Variants in WARS1 observed in about 807,000 individuals in gnomAD.
WARS1 encodes the protein tryptophan--tRNA ligase, cytoplasmic.
Under a neutral mutation model 47.8 loss-of-function variants are expected in WARS1, and 17 were observed. The observed-to-expected ratio is 0.36, with a 90% CI of 0.24 to 0.53. The LOEUF (loss-of-function observed/expected upper bound fraction) is 0.53. Among genes scored for constraint, WARS1 ranks in the 20% least tolerant of loss-of-function variants. The probability of loss-of-function intolerance (pLI) is 0.91; values close to 1 mark genes in which losing one functional copy is unlikely to be tolerated. For missense variants in WARS1, 434 were observed against 608.0 expected (o/e 0.71, Z 3.01); for synonymous variants, 208 against 228.1 (o/e 0.91, Z 0.79).
At chr14:100,337,260 A>G (rs1461906437) in intron 9 of WARS1, 58 bp from the exon 10 acceptor site, 6 of 1,585,608 alleles carry the variant, frequency 3.8e-6, no homozygotes, top group African/African-American at 1.3e-5. Flanking sequence ...GTGCCTGGAC[A>G]CTGGCTAGAA....
At position 100,356,395 on chromosome 14, in the gene WARS1, GTGT is replaced by G. The variant is rs1457783138; in HGVS notation, c.423-1832_423-1830del. On this transcript the variant is annotated intron_variant, in intron 4 of 10. Coordinates refer to ENST00000392882, the MANE Select transcript of WARS1 (RefSeq NM_004184.4). ...CCAAAGTGACTGGGTGTGTGTGTGT[GTGT>G]GGGGGGGGGTGTGGAATAAAAGAGA... Among the ~76,000 whole-genome samples, 92 of 82,590 alleles carry G rather than the reference GTGT, an allele frequency of 1.1e-3. 1 individual carries two copies. The highest frequency in any genetic ancestry group is 2.2e-3 in the South Asian group (3 of 1,340). 54.2% of individuals were successfully genotyped at this position (82,590 alleles called of 152,430 possible).
At chr14:100,354,321 C>T in intron 5 of WARS1, 126 bp downstream of exon 5, 1 of 1,415,090 alleles carries the variant, frequency 7.1e-7, no homozygotes, top group Non-Finnish European at 9.4e-7. Flanking sequence ...AAAAAAGTGC[C>T]AACTCTTGAC....
chr14:100,354,075 G>C, intron 5 of WARS1: 1 of 575,702 alleles, frequency 1.7e-6, no homozygotes, highest in South Asian at 2.1e-5. Flanking sequence ...TGTGTGCTCT[G>C]TGTTAGCTGC....
intron 1 of WARS1, chr14:100,370,300 A>G (rs561699701): frequency 6.6e-6 from 1 of 152,324 alleles, no homozygotes; most frequent in Admixed American, 6.5e-5. Context: ...TCTTGGCTCA[A>G]TCACTTCCTA....
intron 6 of WARS1, among the ~76,000 whole-genome samples, chr14:100,349,562 A>G (rs891859157): frequency 1.3e-5 from 2 of 152,208 alleles, no homozygotes; most frequent in Non-Finnish European, 2.9e-5. Context: ...AACCTCTGCT[A>G]TGCTGCCCCC....
In WARS1 at chr14:100,354,582, G is replaced by A. The variant is rs757748283; in HGVS notation, c.423-16C>T. On this transcript the variant is annotated splice_polypyrimidine_tract_variant and intron_variant, in intron 4 of 10. Transcript: ENST00000392882. ...ATTCATATCTCTAAAGGAAAAAGGA[G>A]AAGAGGAAGAGTGTGATTTTCTGAG... 33 of 1,591,064 alleles carry A rather than the reference G, an allele frequency of 2.1e-5. No homozygotes were observed. Among genetic ancestry groups the A allele is most frequent in the Non-Finnish European group, 2.5e-5 (29 of 1,170,266 alleles).
intron 2 of WARS1, among the ~76,000 whole-genome samples, chr14:100,366,333 C>A (rs1256266226): frequency 6.6e-6 from 1 of 152,106 alleles, no homozygotes; most frequent in Non-Finnish European, 1.5e-5. Flanking sequence ...GAAAGATTCC[C>A]CAACAAAAGG....
intron 10 of WARS1, among the ~76,000 whole-genome samples, chr14:100,336,587 G>T (rs1047669359): frequency 6.6e-5 from 10 of 152,158 alleles, no homozygotes; most frequent in Admixed American, 5.2e-4. Context: ...AAAAATCTAA[G>T]AATGAGAAAA....
chr14:100,371,467 A>AAAAAAAAAAAAAAG (rs1896347531), intron 1 of WARS1, among the ~76,000 whole-genome samples: 1 of 140,588 alleles, frequency 7.1e-6, no homozygotes, highest in African/African-American at 2.7e-5. Flanking sequence ...AAAAAAAAAA[A>AAAAAAAAAAAAAAG]GTAGGCCAGG....
intron 2 of WARS1, among the ~76,000 whole-genome samples, chr14:100,367,862 C>T (rs531786386): frequency 3.2e-4 from 48 of 152,234 alleles, no homozygotes; most frequent in East Asian, 1.7e-3. Context: ...AAAATAAATA[C>T]GCTTTCAGAT....
intron 6 of WARS1, among the ~76,000 whole-genome samples, chr14:100,348,247 C>A (rs1466621262): frequency 6.6e-6 from 1 of 152,214 alleles, no homozygotes; most frequent in Non-Finnish European, 1.5e-5. Context: ...TGGAGAACTA[C>A]TGAATGTCTT....
At chr14:100,360,085 C>T (rs147467646) in intron 4 of WARS1, among the ~76,000 whole-genome samples, 19 of 152,264 alleles carry the variant, frequency 1.2e-4, no homozygotes, top group Non-Finnish European at 2.6e-4. Context: ...GTGGAATTTA[C>T]GGCCTAAGGT....
In WARS1 at chr14:100,354,516, A is replaced by T; in HGVS notation, c.473T>A (p.Leu158Gln). Residue 158 changes from leucine (L) to glutamine (Q), a missense_variant, in exon 5 of 11, where the codon CTG (leucine) becomes CAG (glutamine). Physicochemically the swap from Leu to Gln is moderately radical, Grantham distance 113 (BLOSUM62 -2). This residue lies in a region of WARS1 where 347 missense variants were observed against 523.8 expected (regional missense o/e 0.66). Transcript: ENST00000392882. ...DAYENKKPFY[L>Q]YTGRGPSSEA... ...AGAAGAGGGGCCCCGGCCCGTGTAC[A>T]GATAAAATGGCTTCTTATTTTCATA... 2 of 1,613,990 alleles carry T rather than the reference A, an allele frequency of 1.2e-6. No homozygotes were observed. Among genetic ancestry groups the T allele is most frequent in the Non-Finnish European group, 1.7e-6 (2 of 1,179,946 alleles).
Position 100,334,326 on chromosome 14 carries a change from T to C in WARS1, c.*549A>G, listed in dbSNP as rs1893563836. On this transcript the variant is annotated 3_prime_UTR_variant, in exon 11 of 11. Coordinates refer to ENST00000392882, the MANE Select transcript of WARS1 (RefSeq NM_004184.4). ...TAAAAGCAGCTTTAAAGCTGGGTGA[T>C]TTCTTAGTCAAATGTATAACGAAGC... The C allele has an allele frequency of 6.6e-6, 1 of 152,564 alleles. No homozygotes were observed. Among genetic ancestry groups the C allele is most frequent in the South Asian group, 2.1e-4 (1 of 4,836 alleles). The allele number at this position is 152,564 out of a possible 1,614,324, so 9.5% of individuals were successfully genotyped here.
At position 100,356,382 on chromosome 14, in the gene WARS1, GGTGT is replaced by G. The variant is rs33939310; in HGVS notation, c.423-1820_423-1817del. On this transcript the variant is annotated intron_variant, in intron 4 of 10. Coordinates refer to ENST00000392882, the MANE Select transcript of WARS1 (RefSeq NM_004184.4). ...AGTAAACTTTGAACCAAAGTGACTG[GGTGT>G]GTGTGTGTGTGTGGGGGGGGGTGTG... Among the ~76,000 whole-genome samples the G allele has an allele frequency of 7.0e-5, 8 of 114,964 alleles. 1 individual carries two copies. The highest frequency in any genetic ancestry group is 2.4e-4 in the East Asian group (1 of 4,112). 75.4% of individuals were successfully genotyped at this position (114,964 alleles called of 152,430 possible). A position where few individuals can be genotyped will look rare whatever the true frequency, so the allele number is the denominator to read the frequency against.
chr14:100,372,467 A>G (rs1293454907), intron 1 of WARS1, among the ~76,000 whole-genome samples: 1 of 152,098 alleles, frequency 6.6e-6, no homozygotes, highest in African/African-American at 2.4e-5. Flanking sequence ...CCAGAAAGGG[A>G]GGTTTGGTGA....
intron 9 of WARS1, among the ~76,000 whole-genome samples, chr14:100,341,751 C>T (rs534213122): frequency 2.4e-4 from 36 of 152,350 alleles, no homozygotes; most frequent in Admixed American, 3.9e-4. Flanking sequence ...CTGGGGCCAG[C>T]AGGACTGTCC....
intron 9 of WARS1, among the ~76,000 whole-genome samples, chr14:100,340,921 T>TC (rs955840422): frequency 4.7e-5 from 7 of 150,236 alleles, no homozygotes; most frequent in Non-Finnish European, 8.9e-5. Context: ...TCTTTTCTTT[T>TC]TTTTTTTTTT....
chr14:100,365,670 A>G (rs1157813850), intron 2 of WARS1: 3 of 180,304 alleles, frequency 1.7e-5, no homozygotes, highest in Non-Finnish European at 2.4e-5. Flanking sequence ...TGTTCTAGTT[A>G]AAGATGCGTA....
Sources: gnomAD v4.1 joint callset for allele counts (sites outside exome capture counted in the v4.1 genomes callset) on GRCh38, gnomAD v4.1.1 for gene constraint, gnomAD v4.1.1 regional missense constraint, MANE v1.5 for transcripts, NCBI Gene and HGNC (gene_info 2026-07-23, HGNC 2026-07-21) for gene names.